Variants in IL1RAPL1 observed in about 807,000 individuals in gnomAD.
IL1RAPL1 encodes the protein interleukin 1 receptor accessory protein like 1.
IL1RAPL1 carries 3 observed loss-of-function variants against 48.4 expected under a neutral mutation model. That is an observed-to-expected ratio of 0.06 (90% CI 0.03 to 0.16). The LOEUF is 0.16. Ranked by LOEUF, IL1RAPL1 falls within the 10% of genes least tolerant of loss-of-function variation. The probability of loss-of-function intolerance (pLI) is 1.00; values close to 1 mark genes in which losing one functional copy is unlikely to be tolerated. For missense variants in IL1RAPL1, 349 were observed against 530.6 expected (o/e 0.66, Z 3.36); for synonymous variants, 185 against 187.7 (o/e 0.99, Z 0.12).
At chrX:29,847,047 AT>A (rs1364545240) in intron 6 of IL1RAPL1, among the ~76,000 whole-genome samples, 125 of 111,416 alleles carry the variant, frequency 1.1e-3, no homozygotes, top group African/African-American at 3.9e-3. Context: ...CTGAATCTTG[AT>A]TTTGAAATCC....
intron 2 of IL1RAPL1, among the ~76,000 whole-genome samples, chrX:28,875,600 G>T (rs1922350258): frequency 9.0e-6 from 1 of 111,729 alleles, no homozygotes. Context: ...ATGGGGCTTG[G>T]TGGGATGGGA....
At chrX:29,943,880 A>T (rs1471824158) in intron 9 of IL1RAPL1, among the ~76,000 whole-genome samples, 1 of 112,326 alleles carries the variant, frequency 8.9e-6, no homozygotes, top group African/African-American at 3.2e-5. Context: ...TAGCCTTACC[A>T]TATTTCATTG....
chrX:28,692,834 A>G (rs943420844), intron 1 of IL1RAPL1, among the ~76,000 whole-genome samples: 3 of 111,450 alleles, frequency 2.7e-5, no homozygotes, highest in Non-Finnish European at 5.7e-5. Context: ...GCCTGTTTCT[A>G]TTTGCCTATA....
chrX:29,087,025 A>G, intron 2 of IL1RAPL1, among the ~76,000 whole-genome samples: 1 of 111,826 alleles, frequency 8.9e-6, no homozygotes, highest in East Asian at 2.8e-4. Flanking sequence ...AGGCAGAAAT[A>G]GTTAACCTCT....
At chrX:29,788,800 G>A (rs897349879) in intron 6 of IL1RAPL1, among the ~76,000 whole-genome samples, 3 of 111,341 alleles carry the variant, frequency 2.7e-5, no homozygotes, top group Non-Finnish European at 3.8e-5. Context: ...CTATCCATAC[G>A]TCAATACTTA....
chrX:28,756,863 A>T (rs931707969), intron 1 of IL1RAPL1, among the ~76,000 whole-genome samples: 2 of 111,581 alleles, frequency 1.8e-5, no homozygotes, highest in Non-Finnish European at 3.8e-5. Flanking sequence ...ACTCTTCAGT[A>T]ACAGCCTAGT....
chrX:28,788,455 G>A (rs1936496408), intron 1 of IL1RAPL1, among the ~76,000 whole-genome samples: 3 of 110,540 alleles, frequency 2.7e-5, no homozygotes, highest in Non-Finnish European at 3.8e-5. Context: ...GGGTAGTTTC[G>A]TTGAGTGTTG....
intron 5 of IL1RAPL1, among the ~76,000 whole-genome samples, chrX:29,476,424 T>C (rs1934974645): frequency 8.9e-6 from 1 of 112,105 alleles, no homozygotes; most frequent in Non-Finnish European, 1.9e-5. Flanking sequence ...AATGTATAGT[T>C]CTATTATCAC....
At chrX:29,817,111 G>T (rs1930514302) in intron 6 of IL1RAPL1, among the ~76,000 whole-genome samples, 1 of 110,938 alleles carries the variant, frequency 9.0e-6, no homozygotes, top group South Asian at 3.8e-4. Context: ...ATTCCTACAT[G>T]CCATCTCAAG....
chrX:29,019,927 T>C (rs1302025015), intron 2 of IL1RAPL1, among the ~76,000 whole-genome samples: 1 of 112,286 alleles, frequency 8.9e-6, no homozygotes, highest in African/African-American at 3.2e-5. Context: ...TGTCAAATCT[T>C]TCTATATCCT....
At chrX:28,946,569 A>G (rs1924311064) in intron 2 of IL1RAPL1, among the ~76,000 whole-genome samples, 1 of 111,609 alleles carries the variant, frequency 9.0e-6, no homozygotes, top group South Asian at 3.7e-4. Context: ...ATAATTATTA[A>G]AAAGAATAAA....
chrX:29,819,793 A>T (rs2147182397), intron 6 of IL1RAPL1, among the ~76,000 whole-genome samples: 1 of 106,232 alleles, frequency 9.4e-6, no homozygotes, highest in Admixed American at 1.1e-4. Flanking sequence ...TTACCAAAAT[A>T]TTTATGTTAA....
At chrX:29,734,156 C>A (rs1293244163) in intron 6 of IL1RAPL1, among the ~76,000 whole-genome samples, 6 of 112,617 alleles carry the variant, frequency 5.3e-5, no homozygotes, top group African/African-American at 1.9e-4. Context: ...GATTTTCTCT[C>A]TGTTATTTGG....
intron 2 of IL1RAPL1, among the ~76,000 whole-genome samples, chrX:28,991,693 A>C (rs776774472): frequency 8.9e-6 from 1 of 112,416 alleles, no homozygotes; most frequent in South Asian, 3.6e-4. Flanking sequence ...CATAAAACTT[A>C]GGAACAAATT....
intron 2 of IL1RAPL1, among the ~76,000 whole-genome samples, chrX:28,886,692 G>A (rs1372198858): frequency 9.0e-6 from 1 of 110,539 alleles, no homozygotes; most frequent in African/African-American, 3.3e-5. Context: ...ATAATAATTA[G>A]CATGTTTAAT....
rs16988523 is a variant in IL1RAPL1 at position 29,382,761 on chromosome X, A to G, written c.363-13497A>G. On this transcript the variant is annotated intron_variant, in intron 3 of 10. Transcript: ENST00000378993. ...CCTTCCACTGGATGCCTCTGTGTCA[A>G]CTGCAGCTCTTTCAGGCAATACTAT... 4.6e-3 allele frequency among the ~76,000 whole-genome samples: 512 copies of G among 111,570 alleles called. 5 individuals carry two copies. The highest frequency in any genetic ancestry group is 0.016 in the African/African-American group (493 of 30,725).
At chrX:28,848,521 A>G (rs1489347634) in intron 2 of IL1RAPL1, among the ~76,000 whole-genome samples, 1 of 110,077 alleles carries the variant, frequency 9.1e-6, no homozygotes, top group African/African-American at 3.3e-5. Context: ...TGGGTTTTCT[A>G]TATTTAACAG....
chrX:29,879,395 G>GTGTGTATATA (rs1555929712), intron 6 of IL1RAPL1, among the ~76,000 whole-genome samples: 2 of 86,875 alleles, frequency 2.3e-5, no homozygotes, highest in African/African-American at 1.1e-4. Context: ...GTGTGTGTGT[G>GTGTGTATATA]TATATATATA....
chrX:29,254,346 A>T (rs1342722205), intron 2 of IL1RAPL1, among the ~76,000 whole-genome samples: 2 of 111,533 alleles, frequency 1.8e-5, no homozygotes, highest in African/African-American at 3.3e-5. Flanking sequence ...TATGGATATG[A>T]TACTCTATTA....
Sources: allele counts gnomAD v4.1 joint callset (sites outside exome capture counted in the v4.1 genomes callset), GRCh38; gene constraint gnomAD v4.1.1; transcripts MANE v1.5; gene names NCBI Gene and HGNC (gene_info 2026-07-23, HGNC 2026-07-21).